The following LMO7 variants were observed in gnomAD, a reference collection of about 807,000 sequenced individuals.
The protein encoded by LMO7 is LIM domain 7.
In LMO7, 120 loss-of-function variants were observed where a neutral mutation model predicts 206.5. The observed-to-expected ratio is 0.58, with a 90% CI of 0.50 to 0.68. The LOEUF (loss-of-function observed/expected upper bound fraction) is 0.68. LMO7 is among the 30% of genes least tolerant of loss of function. The pLI, the probability that LMO7 is intolerant of heterozygous loss-of-function variation, is 0.00. For synonymous variants in LMO7, 706 were observed against 681.5 expected, an observed-to-expected ratio of 1.04 and a Z score of -0.56; for missense variants, 1,959 against 1,957.9, an observed-to-expected ratio of 1.00 and a Z score of -0.01.
At chr13:75,716,993 G>A (rs2043591769) in intron 2 of LMO7, among the ~76,000 whole-genome samples, 1 of 151,250 alleles carries the variant, frequency 6.6e-6, no homozygotes, top group African/African-American at 2.4e-5. Context: ...CCCATCCCTG[G>A]AATGATCCCA....
intron 4 of LMO7, among the ~76,000 whole-genome samples, chr13:75,784,595 A>G (rs2052101284): frequency 6.6e-6 from 1 of 152,204 alleles, no homozygotes; most frequent in Non-Finnish European, 1.5e-5. Flanking sequence ...TATATATTAA[A>G]TCACAGCTAA....
In LMO7 at chr13:75,858,037, C is replaced by CT. The variant is rs5804839; in HGVS notation, c.*103dup. The CT allele has an allele frequency of 0.076, 109,287 of 1,435,372 alleles. 3,119 individuals are homozygous for CT. The highest frequency in any genetic ancestry group is 0.13 in the East Asian group (5,464 of 41,514). 88.9% of individuals were successfully genotyped at this position (1,435,372 alleles called of 1,614,324 possible). Reference sequence around the variant, plus strand: ...AAATATGTGTTGTATGTCTTTTTTGCTTTTTTTTTAAAAAAAAGAATAACT... The same window carrying CT: ...AAATATGTGTTGTATGTCTTTTTTGCTTTTTTTTTTAAAAAAAAGAATAACT... On this transcript the variant is annotated 3_prime_UTR_variant, in exon 31 of 31. Coordinates refer to ENST00000377534, the MANE Select transcript of LMO7 (RefSeq NM_001306080.2).
chr13:75,766,723 T>A (rs2048944043), intron 4 of LMO7, among the ~76,000 whole-genome samples: 1 of 152,170 alleles, frequency 6.6e-6, no homozygotes, highest in Admixed American at 6.6e-5. Context: ...AAGGACTTTT[T>A]ATTTCCTCTA....
At chr13:75,821,707 G>A (rs954889750) in intron 14 of LMO7, 98 bp downstream of exon 14, 2 of 726,282 alleles carry the variant, frequency 2.8e-6, no homozygotes, top group South Asian at 1.9e-5. Flanking sequence ...TGTGTAAACT[G>A]TACATAACAT....
intron 2 of LMO7, among the ~76,000 whole-genome samples, chr13:75,626,595 A>ATATATATATATATATTTTTTTTTTT: frequency 1.4e-5 from 1 of 71,180 alleles, no homozygotes; most frequent in Non-Finnish European, 3.6e-5. Context: ...ATATATATAA[A>ATATATATATATATATTTTTTTTTTT]TTTTTTTGAG....
chr13:75,847,029 CAAAAAAAA>C (rs34127474), intron 26 of LMO7, among the ~76,000 whole-genome samples: 6 of 112,456 alleles, frequency 5.3e-5, no homozygotes, highest in Admixed American at 2.7e-4. Context: ...GACTCTGTCT[CAAAAAAAA>C]AAAAAAAAAA....
At chr13:75,716,422 A>G (rs1430717661) in intron 2 of LMO7, among the ~76,000 whole-genome samples, 1 of 152,026 alleles carries the variant, frequency 6.6e-6, no homozygotes, top group Non-Finnish European at 1.5e-5. Flanking sequence ...TAGTCATTTT[A>G]GTGTTGTTTA....
chr13:75,734,914 ACGGTGAAACC>A (rs2045649248), intron 3 of LMO7, among the ~76,000 whole-genome samples: 1 of 152,164 alleles, frequency 6.6e-6, no homozygotes, highest in South Asian at 2.1e-4. Flanking sequence ...CCTGGCTAAC[ACGGTGAAACC>A]CTGTCTCTAC....
Position 75,831,359 on chromosome 13 carries a change from G to T in LMO7, c.2950-1692G>T, listed in dbSNP as rs1033732797. Among the ~76,000 whole-genome samples the T allele has an allele frequency of 6.6e-5, 10 of 152,146 alleles. 1 individual carries two copies. Among genetic ancestry groups the T allele is most frequent in the African/African-American group, 2.4e-4 (10 of 41,432 alleles). ...TATACAGAGTAAACAATAAATGTAT[G>T]TCAAACAATTGAATGAGTGAAAGTC... is the stretch of plus-strand genomic sequence containing the variant. On this transcript the variant is annotated intron_variant, in intron 15 of 30. Coordinates refer to ENST00000377534, the MANE Select transcript of LMO7 (RefSeq NM_001306080.2).
At chr13:75,663,434 T>TTCTTTCTTTCTTTCTTTC (rs780935072) in intron 1 of LMO7, among the ~76,000 whole-genome samples, 1,552 of 131,256 alleles carry the variant, frequency 0.012, 4 homozygotes, top group Middle Eastern at 0.019. Context: ...CTTTCTTTCT[T>TTCTTTCTTTCTTTCTTTC]TTTTTTTTTT....
rs762376977 is a variant in LMO7, at chr13:75,841,998, C to G, written c.4031+15C>G. 10 of 1,578,580 alleles carry G rather than the reference C, an allele frequency of 6.3e-6. No individual in the cohort carries two copies. In the Admixed American group the frequency reaches 6.8e-5, roughly 11 times the overall value. On this transcript the variant is annotated intron_variant, in intron 24 of 30. Transcript: ENST00000377534. Reference sequence around the variant, plus strand: ...CAGTACAGGAGGTATGTCCCCACAGCCAGAGGGTACAAAGGCTTAGCTGTA... The same window carrying G: ...CAGTACAGGAGGTATGTCCCCACAGGCAGAGGGTACAAAGGCTTAGCTGTA...
At chr13:75,642,534 T>C (rs141437741) in intron 1 of LMO7, among the ~76,000 whole-genome samples, 1 of 151,382 alleles carries the variant, frequency 6.6e-6, no homozygotes, top group African/African-American at 2.4e-5. Context: ...GTCTGGGCAG[T>C]TGAGGTTGTG....
At chr13:75,748,942 G>T (rs1417558672) in intron 3 of LMO7, among the ~76,000 whole-genome samples, 3 of 151,748 alleles carry the variant, frequency 2.0e-5, no homozygotes, top group African/African-American at 7.3e-5. Context: ...CTCTGGAGTA[G>T]CTGGGACTAC....
intron 15 of LMO7, 60 bp from the exon 16 acceptor site, chr13:75,832,991 A>G (rs35034793): frequency 0.044 from 39,116 of 883,808 alleles, 1,048 homozygotes; most frequent in Non-Finnish European, 0.051. Flanking sequence ...TCATGGATAG[A>G]CTTTCCTCCA....
At chr13:75,851,679 C>T (rs2060513492) in intron 27 of LMO7, among the ~76,000 whole-genome samples, 1 of 151,826 alleles carries the variant, frequency 6.6e-6, no homozygotes, top group Non-Finnish European at 1.5e-5. Context: ...GTAGGTAGTA[C>T]TAATGTTAGT....
Position 75,636,502 on chromosome 13 carries a change from C to A in LMO7, c.-156C>A. ...GACCTTAACGAACTGCAGAGCGCAA[C>A]AAAGGGAACTAGAGCCCCGGCGCCT... is the stretch of plus-strand genomic sequence containing the variant. On this transcript the variant is annotated 5_prime_UTR_variant, in exon 1 of 31. Coordinates refer to ENST00000377534, the MANE Select transcript of LMO7 (RefSeq NM_001306080.2). 1 of 1,488,596 alleles carries A rather than the reference C, an allele frequency of 6.7e-7. No individual in the cohort carries two copies. The highest frequency in any genetic ancestry group is 1.3e-5 in the South Asian group (1 of 75,806). The allele number at this position is 1,488,596 out of a possible 1,614,324, so 92.2% of individuals were successfully genotyped here.
chr13:75,733,179 T>C (rs2045441184), intron 3 of LMO7, among the ~76,000 whole-genome samples: 2 of 152,224 alleles, frequency 1.3e-5, no homozygotes, highest in Non-Finnish European at 2.9e-5. Flanking sequence ...ACATTTAAGT[T>C]TGCAGAGGTT....
chr13:75,807,666 T>C lies in LMO7; in HGVS notation c.1383T>C (p.Asp461=), dbSNP rs1040020510. ...CCCTGGATCCTGACTTAGAGAATGA[T>C]GATTTCTTTGTCAGAAAGACTGGGG... The part of the protein sequence containing the change: ...MAALDPDLEN[D]DFFVRKTGAF... Residue 461 remains aspartate, a synonymous_variant, in exon 10 of 31, where the codon GAT becomes GAC. Coordinates refer to ENST00000377534, the MANE Select transcript of LMO7 (RefSeq NM_001306080.2). 2 of 1,614,012 alleles carry C rather than the reference T, an allele frequency of 1.2e-6. No homozygotes were observed. Among genetic ancestry groups the C allele is most frequent in the South Asian group, 1.1e-5 (1 of 91,082 alleles).
chr13:75,713,368 C>A, intron 2 of LMO7, 116 bp downstream of exon 2: 1 of 629,460 alleles, frequency 1.6e-6, no homozygotes, highest in Non-Finnish European at 2.7e-6. Context: ...TGTTCTTGGT[C>A]ACAGGTGAGA....
Sources: allele counts gnomAD v4.1 joint callset (sites outside exome capture counted in the v4.1 genomes callset), GRCh38; gene constraint gnomAD v4.1.1; transcripts MANE v1.5; gene names NCBI Gene and HGNC (gene_info 2026-07-23, HGNC 2026-07-21).